Variants in ABL2 observed in about 807,000 individuals in gnomAD.
ABL2 encodes tyrosine-protein kinase ABL2.
In ABL2, 49 loss-of-function variants were observed where a neutral mutation model predicts 107.7. That is an observed-to-expected ratio of 0.45 (90% CI 0.36 to 0.58). ABL2 has a LOEUF of 0.58. Among genes scored for constraint, ABL2 ranks in the 20% least tolerant of loss-of-function variants. ABL2 has a pLI of 0.00. For synonymous variants in ABL2, 549 were observed against 548.6 expected (o/e 1.00, Z -0.01); for missense variants, 1,245 against 1,457.0 (o/e 0.85, Z 2.37).
At chr1:179,116,219 C>T (rs1165655195) in intron 8 of ABL2, among the ~76,000 whole-genome samples, 1 of 149,256 alleles carries the variant, frequency 6.7e-6, no homozygotes, top group African/African-American at 2.5e-5. Context: ...ACTACTATGA[C>T]AAAAATTAGC....
At chr1:179,112,280 C>T in intron 10 of ABL2, 29 bp downstream of exon 10, 2 of 1,587,812 alleles carry the variant, frequency 1.3e-6, no homozygotes, top group Non-Finnish European at 1.7e-6. Context: ...CAGAATTAGT[C>T]ACCAACAGTA....
chr1:179,135,743 T>C (rs1485220509), intron 1 of ABL2, among the ~76,000 whole-genome samples: 3 of 122,704 alleles, frequency 2.4e-5, no homozygotes, highest in Non-Finnish European at 3.4e-5. Context: ...GGAGCCCCTC[T>C]GCCCGGCCAG....
chr1:179,102,086 A>T lies in ABL2; in HGVS notation c.*5632T>A, dbSNP rs1212932041. 7.4e-6 allele frequency: 1 copy of T among 135,522 alleles called. No homozygotes were observed. The highest frequency in any genetic ancestry group is 1.4e-5 in the Non-Finnish European group (1 of 69,922). The allele number at this position is 135,522 out of a possible 1,614,324, so 8.4% of individuals were successfully genotyped here. ...GAGTGCAGTGGCGCGATCTGGGCTC[A>T]CTGCAAGCTCCGCCTCCTGGGTTCA... On this transcript the variant is annotated 3_prime_UTR_variant, in exon 12 of 12. Coordinates refer to ENST00000502732, the MANE Select transcript of ABL2 (RefSeq NM_007314.4).
intron 5 of ABL2, 152 bp from the exon 6 acceptor site, chr1:179,120,426 TTTTAA>T (rs1420568188): frequency 1.5e-5 from 6 of 401,764 alleles, no homozygotes; most frequent in East Asian, 7.8e-5. Flanking sequence ...ATAATTATTA[TTTTAA>T]TTTAATTTAT....
intron 3 of ABL2, chr1:179,131,098 G>A (rs981343319): frequency 2.0e-5 from 7 of 353,732 alleles, no homozygotes; most frequent in African/African-American, 6.2e-5. Flanking sequence ...GGGCTACCAC[G>A]CCTGACTAAT....
At chr1:179,198,688 ATCTCC>A in intron 1 of ABL2, among the ~76,000 whole-genome samples, 1 of 76,678 alleles carries the variant, frequency 1.3e-5, no homozygotes, top group Admixed American at 1.8e-4. Flanking sequence ...GCAAGACTCC[ATCTCC>A]AAAAAAAAAA....
rs1370346424 is a variant in ABL2, at chr1:179,126,242, A to G, written c.687+135T>C. ...GAGTACAAGCTCTAACATGCCAAAA[A>G]GCCCAAACTCACAAAGCTAGTGAAT... On this transcript the variant is annotated intron_variant, in intron 4 of 11. Transcript: ENST00000502732. The surrounding 1 kb of genome is among the most constrained non-coding windows in gnomAD (Gnocchi z 4.4). 7.6e-6 allele frequency: 8 copies of G among 1,054,490 alleles called. No individual in the cohort carries two copies. Among genetic ancestry groups the G allele is most frequent in the African/African-American group, 4.8e-5 (3 of 62,422 alleles). 65.3% of individuals were successfully genotyped at this position (1,054,490 alleles called of 1,614,324 possible).
chr1:179,163,374 G>T (rs1473294261), intron 1 of ABL2, among the ~76,000 whole-genome samples: 1 of 152,148 alleles, frequency 6.6e-6, no homozygotes, highest in African/African-American at 2.4e-5. Flanking sequence ...CCATTCTTGA[G>T]TATTTACACT....
Position 179,229,279 on chromosome 1 carries a change from C to T in ABL2, c.119G>A (p.Arg40His), listed in dbSNP as rs748250030. Reference sequence around the variant, plus strand: ...GATATTGAAGCCGGTCTCTGTGGTGCGCCCCGCCGGGTCCCGCCTGCGGCC... The same window carrying T: ...GATATTGAAGCCGGTCTCTGTGGTGTGCCCCGCCGGGTCCCGCCTGCGGCC... ...PSGRRRDPAG[R>H]TTETGFNIFT... Residue 40 changes from arginine to histidine, a missense_variant, in exon 1 of 12, where the codon CGC (arginine) becomes CAC (histidine). Arg to His is a conservative substitution (Grantham distance 29, BLOSUM62 0). Transcript: ENST00000502732. 6 of 1,564,706 alleles carry T rather than the reference C, an allele frequency of 3.8e-6. No homozygotes were observed. The Admixed American group carries it at 7.5e-5, about 20-fold the overall frequency.
Position 179,105,356 on chromosome 1 carries a change from C to A in ABL2, c.*2362G>T. On this transcript the variant is annotated 3_prime_UTR_variant, in exon 12 of 12. Transcript: ENST00000502732. ...AAACCCTGAAAAACAATTACAATCC[C>A]TTAACTTGCATCCCACAACAACAGG... The A allele has an allele frequency of 4.3e-6, 1 of 231,604 alleles. No individual in the cohort carries two copies. The highest frequency in any genetic ancestry group is 2.2e-5 in the African/African-American group (1 of 45,350). The allele number at this position is 231,604 out of a possible 1,614,324, so 14.3% of individuals were successfully genotyped here.
At chr1:179,200,580 A>G (rs1385033438) in intron 1 of ABL2, among the ~76,000 whole-genome samples, 1 of 152,164 alleles carries the variant, frequency 6.6e-6, no homozygotes, top group Non-Finnish European at 1.5e-5. Context: ...ATTTGGGCAC[A>G]ACTTAAACCC....
intron 1 of ABL2, among the ~76,000 whole-genome samples, chr1:179,227,703 T>C (rs568947728): frequency 1.3e-5 from 2 of 152,318 alleles, no homozygotes; most frequent in African/African-American, 4.8e-5. Context: ...TTAGCTCATA[T>C]ATCACCTTCA....
At chr1:179,152,475 ACTTTC>A (rs1021151472) in intron 1 of ABL2, among the ~76,000 whole-genome samples, 5 of 152,206 alleles carry the variant, frequency 3.3e-5, no homozygotes, top group African/African-American at 1.2e-4. Context: ...CTCAGGTGGT[ACTTTC>A]CTTAATCCAG....
chr1:179,152,047 T>C (rs1658392788), intron 1 of ABL2, among the ~76,000 whole-genome samples: 1 of 152,050 alleles, frequency 6.6e-6, no homozygotes, highest in Non-Finnish European at 1.5e-5. Flanking sequence ...AAAAAAACAA[T>C]ATAAACAAAG....
intron 6 of ABL2, among the ~76,000 whole-genome samples, chr1:179,119,514 AAAAC>A (rs2102620222): frequency 6.6e-6 from 1 of 151,302 alleles, no homozygotes; most frequent in African/African-American, 2.4e-5. Context: ...CTGTATTTAA[AAAAC>A]AAACAAAAAA....
intron 1 of ABL2, chr1:179,184,587 G>A: frequency 5.4e-6 from 3 of 558,698 alleles, no homozygotes; most frequent in South Asian, 4.0e-5. Context: ...AGGAGGAGGA[G>A]GAGGAAGAGG....
At chr1:179,197,252 T>G (rs1458821846) in intron 1 of ABL2, among the ~76,000 whole-genome samples, 1 of 149,508 alleles carries the variant, frequency 6.7e-6, no homozygotes, top group East Asian at 2.0e-4. Context: ...TGCAAGACAC[T>G]AAAGACAAAA....
At chr1:179,113,939 A>AT (rs35576505) in intron 9 of ABL2, among the ~76,000 whole-genome samples, 75,724 of 150,590 alleles carry the variant, frequency 0.5, 19,137 homozygotes, top group Middle Eastern at 0.59. Flanking sequence ...GTCTCAAAAA[A>AT]TAAATAAATA....
chr1:179,105,484 A>G lies in ABL2; in HGVS notation c.*2234T>C, dbSNP rs539323320. 1 of 229,876 alleles carries G rather than the reference A, an allele frequency of 4.4e-6. No individual in the cohort carries two copies. The highest frequency in any genetic ancestry group is 2.2e-5 in the African/African-American group (1 of 45,258). 14.2% of individuals were successfully genotyped at this position (229,876 alleles called of 1,614,324 possible). Reference sequence around the variant, plus strand: ...AAACGAGTTCTTCAAGTTTACGGACATGTATGATGAGCAAGAATGGCAGGA... The same window carrying G: ...AAACGAGTTCTTCAAGTTTACGGACGTGTATGATGAGCAAGAATGGCAGGA... On this transcript the variant is annotated 3_prime_UTR_variant, in exon 12 of 12. Transcript: ENST00000502732.
Sources: gnomAD v4.1 joint callset for allele counts (sites outside exome capture counted in the v4.1 genomes callset) on GRCh38, gnomAD v4.1.1 for gene constraint, Gnocchi (gnomAD v3.1) non-coding constraint, MANE v1.5 for transcripts, NCBI Gene and HGNC (gene_info 2026-07-23, HGNC 2026-07-21) for gene names.